ASIC2: variants seen among roughly 807,000 people sequenced by gnomAD.
ASIC2 encodes acid-sensing ion channel 2.
Under a neutral mutation model 57.3 loss-of-function variants are expected in ASIC2, and 25 were observed. The ratio of observed to expected loss-of-function variants is 0.44; its 90% CI spans 0.32 to 0.61. ASIC2 has a LOEUF of 0.61. Among genes scored for constraint, ASIC2 ranks in the 20% least tolerant of loss-of-function variants. The pLI, the probability that ASIC2 is intolerant of heterozygous loss-of-function variation, is 0.06. For synonymous variants in ASIC2, 319 were observed against 307.5 expected (o/e 1.04, Z -0.39); for missense variants, 641 against 738.1 (o/e 0.87, Z 1.52).
chr17:33,476,462 C>A (rs1426018525), intron 1 of ASIC2, among the ~76,000 whole-genome samples: 1 of 149,506 alleles, frequency 6.7e-6, no homozygotes, highest in African/African-American at 2.5e-5. Context: ...TTAAAAAAAT[C>A]CTTCAACTCA....
chr17:33,645,361 T>G (rs1434584), intron 1 of ASIC2, among the ~76,000 whole-genome samples: 57,159 of 151,960 alleles, frequency 0.38, 10,953 homozygotes, highest in African/African-American at 0.44. Flanking sequence ...TTGGTTTCAT[T>G]TAAAAAGTAG....
chr17:33,997,554 C>T (rs779639662), intron 1 of ASIC2, among the ~76,000 whole-genome samples: 1 of 151,820 alleles, frequency 6.6e-6, no homozygotes, highest in African/African-American at 2.4e-5. Flanking sequence ...TAGTTTTATA[C>T]CTAATTTGTT....
At chr17:33,410,109 A>G (rs534813388) in intron 1 of ASIC2, among the ~76,000 whole-genome samples, 63 of 152,300 alleles carry the variant, frequency 4.1e-4, no homozygotes, top group African/African-American at 1.4e-3. Context: ...ATGATGTGAT[A>G]TGTTGTAGCC....
At chr17:33,420,845 T>A (rs1419836042) in intron 1 of ASIC2, among the ~76,000 whole-genome samples, 1 of 152,136 alleles carries the variant, frequency 6.6e-6, no homozygotes, top group Non-Finnish European at 1.5e-5. Context: ...TGCCACAGGA[T>A]GAATTAGAAT....
chr17:33,389,255 C>G (rs1454764651), intron 1 of ASIC2, among the ~76,000 whole-genome samples: 1 of 152,182 alleles, frequency 6.6e-6, no homozygotes, highest in African/African-American at 2.4e-5. Flanking sequence ...GCCACCGTGC[C>G]TGGCTCTCTC....
intron 5 of ASIC2, 129 bp from the exon 6 acceptor site, chr17:33,024,143 C>A: frequency 1.6e-6 from 2 of 1,265,854 alleles, no homozygotes; most frequent in Non-Finnish European, 2.2e-6. Context: ...AAGTGAGGGG[C>A]AGGGATTGTG....
At chr17:33,476,935 G>A (rs921923802) in intron 1 of ASIC2, among the ~76,000 whole-genome samples, 1 of 151,978 alleles carries the variant, frequency 6.6e-6, no homozygotes, top group East Asian at 1.9e-4. Context: ...AGACCTCTAC[G>A]TTATTTTTGG....
chr17:33,271,365 C>A (rs999663741), intron 1 of ASIC2, among the ~76,000 whole-genome samples: 30 of 152,328 alleles, frequency 2.0e-4, no homozygotes, highest in African/African-American at 6.7e-4. Context: ...ATCCCAATCT[C>A]CTGTCCTGAC....
At chr17:33,464,500 C>A (rs1047242659) in intron 1 of ASIC2, among the ~76,000 whole-genome samples, 1 of 38,668 alleles carries the variant, frequency 2.6e-5, no homozygotes, top group Non-Finnish European at 5.4e-5. Context: ...TTCTTTCTTT[C>A]TTTCTTTCTT....
At chr17:33,623,236 G>GTTTT (rs770813988) in intron 1 of ASIC2, among the ~76,000 whole-genome samples, 1 of 129,292 alleles carries the variant, frequency 7.7e-6, no homozygotes, top group Non-Finnish European at 1.7e-5. Flanking sequence ...TTGTGATATC[G>GTTTT]TTTTTTTTTG....
intron 5 of ASIC2, among the ~76,000 whole-genome samples, chr17:33,025,023 G>C (rs1223247832): frequency 6.6e-6 from 1 of 152,000 alleles, no homozygotes; most frequent in Non-Finnish European, 1.5e-5. Context: ...AGTGTTTCCA[G>C]CTACCCTGGG....
intron 1 of ASIC2, among the ~76,000 whole-genome samples, chr17:34,023,205 T>C (rs1907247312): frequency 6.6e-6 from 1 of 152,112 alleles, no homozygotes; most frequent in Non-Finnish European, 1.5e-5. Context: ...AATCAACTCC[T>C]CATCCCAAAG....
chr17:33,609,948 C>T (rs1247393195), intron 1 of ASIC2, among the ~76,000 whole-genome samples: 1 of 151,992 alleles, frequency 6.6e-6, no homozygotes, highest in Non-Finnish European at 1.5e-5. Flanking sequence ...GCTTCCCCCT[C>T]CTCCCGGTGA....
chr17:33,163,331 T>C (rs9889583), intron 1 of ASIC2, among the ~76,000 whole-genome samples: 97,445 of 151,730 alleles, frequency 0.64, 31,419 homozygotes, highest in African/African-American at 0.7. Flanking sequence ...TCCTGCAGAG[T>C]GACTCTCTGA....
intron 6 of ASIC2, among the ~76,000 whole-genome samples, chr17:33,022,164 T>G (rs973397238): frequency 6.6e-6 from 1 of 152,196 alleles, no homozygotes; most frequent in Non-Finnish European, 1.5e-5. Flanking sequence ...GTTCAAAGTA[T>G]CACCTTCTCT....
chr17:33,660,112 C>T (rs909760063), intron 1 of ASIC2, among the ~76,000 whole-genome samples: 1 of 151,594 alleles, frequency 6.6e-6, no homozygotes, highest in East Asian at 1.9e-4. Context: ...AAATGATACA[C>T]CCCTATAGGG....
chr17:33,198,645 C>A (rs537332329), intron 1 of ASIC2, among the ~76,000 whole-genome samples: 1 of 152,306 alleles, frequency 6.6e-6, no homozygotes, highest in South Asian at 2.1e-4. Flanking sequence ...TGTAGCACCC[C>A]CAGCCTCTGT....
chr17:33,445,939 C>A (rs1413599888), intron 1 of ASIC2, among the ~76,000 whole-genome samples: 1 of 151,968 alleles, frequency 6.6e-6, no homozygotes, highest in Non-Finnish European at 1.5e-5. Context: ...AGAACACCCA[C>A]TTTGACTTCC....
upstream of ASIC2, among the ~76,000 whole-genome samples, chr17:33,296,061 G>A (rs1158098611): frequency 6.6e-6 from 1 of 151,712 alleles, no homozygotes; most frequent in Admixed American, 6.6e-5. Context: ...CAAAGTGCAG[G>A]GCTTCCCCCC....
Sources: gnomAD v4.1 joint callset for allele counts (sites outside exome capture counted in the v4.1 genomes callset) on GRCh38, gnomAD v4.1.1 for gene constraint, MANE v1.5 for transcripts, NCBI Gene and HGNC (gene_info 2026-07-23, HGNC 2026-07-21) for gene names.